PCDHA6: variants seen among roughly 807,000 people sequenced by gnomAD.
The protein encoded by PCDHA6 is protocadherin alpha-6.
A neutral mutation model predicts 60.3 loss-of-function variants in PCDHA6; 55 were observed. The observed-to-expected ratio is 0.91, with a 90% CI of 0.73 to 1.14. The LOEUF is 1.14. Ranked by LOEUF, PCDHA6 falls within the 50% of genes most tolerant of loss-of-function variation. The pLI is 0.00. For synonymous variants in PCDHA6, 652 were observed against 557.9 expected (o/e 1.17, Z -2.38); for missense variants, 1,327 against 1,256.5 (o/e 1.06, Z -0.85).
intron 1 of PCDHA6, chr5:140,856,749 C>A (rs146132566): frequency 1.3e-6 from 2 of 1,595,860 alleles, no homozygotes; most frequent in East Asian, 2.2e-5. Context: ...GTGTTAGATG[C>A]CAATGATAAC....
chr5:140,903,587 G>A (rs62384486), intron 1 of PCDHA6, among the ~76,000 whole-genome samples: 1 of 152,156 alleles, frequency 6.6e-6, no homozygotes, highest in African/African-American at 2.4e-5. Context: ...GCTGGTGTTG[G>A]CCTGATAAAT....
At chr5:140,834,566 G>A (rs2150221246) in intron 1 of PCDHA6, 1 of 1,614,096 alleles carries the variant, frequency 6.2e-7, no homozygotes, top group South Asian at 1.1e-5. Context: ...AGCTGGTGCC[G>A]CGCCTGTTCC....
At chr5:140,899,974 C>A (rs2067653485) in intron 1 of PCDHA6, among the ~76,000 whole-genome samples, 1 of 151,766 alleles carries the variant, frequency 6.6e-6, no homozygotes, top group Non-Finnish European at 1.5e-5. Context: ...TGCCCAGCTA[C>A]TTTTTTGATT....
At chr5:140,830,524 T>G in intron 1 of PCDHA6, 39 bp downstream of exon 1, 1 of 1,314,736 alleles carries the variant, frequency 7.6e-7, no homozygotes. Context: ...ATTTTTATTT[T>G]AAATTTATAA....
chr5:140,828,240 A>T lies in PCDHA6; in HGVS notation c.149A>T (p.Gln50Leu), dbSNP rs782505632. The T allele has an allele frequency of 1.9e-6, 3 of 1,613,830 alleles. No individual in the cohort carries two copies. The highest frequency in any genetic ancestry group is 1.1e-5 in the South Asian group (1 of 91,080). Residue 50 changes from glutamine to leucine, a missense_variant, in exon 1 of 4, where the codon CAG (glutamine) becomes CTG (leucine). Coordinates refer to ENST00000529310, the MANE Select transcript of PCDHA6 (RefSeq NM_018909.4). ...GGCACCTTCGTGGGCCGGATCGCGC[A>T]GGACCTGGGGCTGGAGCTGGCGGAG... ...KHGTFVGRIA[Q>L]DLGLELAELV... is the part of the protein sequence containing the mutation.
At chr5:140,851,029 C>G (rs1554145203) in intron 1 of PCDHA6, 3 of 1,410,832 alleles carry the variant, frequency 2.1e-6, no homozygotes, top group African/African-American at 2.9e-5. Context: ...AAGTAAACCC[C>G]TTAACATTGG....
rs1580998752 is a variant in PCDHA6 at position 140,842,398 on chromosome 5, A to G, written c.2394+11913A>G. 3.1e-6 allele frequency: 5 copies of G among 1,611,514 alleles called. No individual in the cohort carries two copies. The African/African-American group carries it at 6.7e-5, about 22-fold the overall frequency. On this transcript the variant is annotated intron_variant, in intron 1 of 3. Coordinates refer to ENST00000529310, the MANE Select transcript of PCDHA6 (RefSeq NM_018909.4). ...CACTGACTTCCTTATCCTTGCCTGTACGTGAAGACGCTCAATTTGGTACTG... is the reference window on the plus strand; with the variant it reads ...CACTGACTTCCTTATCCTTGCCTGTGCGTGAAGACGCTCAATTTGGTACTG...
rs2150160526 is a variant in PCDHA6 at position 140,828,906 on chromosome 5, G to C, written c.815G>C (p.Gly272Ala). The C allele has an allele frequency of 2.8e-5, 45 of 1,614,124 alleles. No homozygotes were observed. The highest frequency in any genetic ancestry group is 3.6e-5 in the Non-Finnish European group (42 of 1,180,056). The stretch of plus-strand genomic sequence containing the variant: ...CTGAATGCTTCTGATCGGGATGAAG[G>C]AGCGAATGGGGCAATTTCATATTCT... ...IRLNASDRDE[G>A]ANGAISYSFN... is the part of the protein sequence containing the mutation. The change falls in exon 1 of 4, where the codon GGA (glycine) becomes GCA (alanine). Residue 272 changes from glycine to alanine, a missense_variant. Coordinates refer to ENST00000529310, the MANE Select transcript of PCDHA6 (RefSeq NM_018909.4).
chr5:140,861,632 A>G (rs1314096154), intron 1 of PCDHA6: 8 of 308,696 alleles, frequency 2.6e-5, no homozygotes, highest in Non-Finnish European at 3.9e-5. Context: ...TGTTCTCAGC[A>G]ACACAAAAGA....
intron 1 of PCDHA6, chr5:140,862,870 G>T: frequency 1.8e-6 from 1 of 569,162 alleles, no homozygotes; most frequent in Non-Finnish European, 3.4e-6. Flanking sequence ...GACGCTGCCA[G>T]GTATTAGTGC....
At chr5:140,980,397 C>T (rs888776890) in intron 2 of PCDHA6, among the ~76,000 whole-genome samples, 3 of 152,100 alleles carry the variant, frequency 2.0e-5, no homozygotes, top group South Asian at 2.1e-4. Context: ...TTTGGGAGGC[C>T]GAGGTGGGCA....
At chr5:140,858,769 A>T in intron 1 of PCDHA6, 1 of 441,686 alleles carries the variant, frequency 2.3e-6, no homozygotes, top group Non-Finnish European at 4.1e-6. Flanking sequence ...TATTTGTGAG[A>T]TTAGTACTTC....
chr5:140,857,750 C>T (rs781977975), intron 1 of PCDHA6: 1 of 1,597,430 alleles, frequency 6.3e-7, no homozygotes, highest in Non-Finnish European at 8.6e-7. Context: ...GCTGGCGTCT[C>T]CCGCTGGCAG....
In PCDHA6 at chr5:140,846,712, C is replaced by A. The variant is rs1014332332; in HGVS notation, c.2394+16227C>A. Among the ~76,000 whole-genome samples, 13 of 149,346 alleles carry A rather than the reference C, an allele frequency of 8.7e-5. 2 individuals are homozygous for A. Among genetic ancestry groups the A allele is most frequent in the South Asian group, 8.5e-4 (4 of 4,692 alleles). ...TAGCAAGTAGAGAAGATTGTAATAA[C>A]CAGTCTTCATTAAACATTAAATAGG... On this transcript the variant is annotated intron_variant, in intron 1 of 3. Transcript: ENST00000529310.
rs1255289031 is a variant in PCDHA6 at position 141,010,188 on chromosome 5, T to C, written c.*251T>C. On this transcript the variant is annotated 3_prime_UTR_variant, in exon 4 of 4. Transcript: ENST00000529310. Reference sequence around the variant, plus strand: ...CAGAACCTAAAAAGCAGACCCAAGTTTCCTTTCTCCTCCGCCGCAAAGGAG... The same window carrying C: ...CAGAACCTAAAAAGCAGACCCAAGTCTCCTTTCTCCTCCGCCGCAAAGGAG... 1.3e-6 allele frequency: 2 copies of C among 1,552,952 alleles called. No individual in the cohort carries two copies. Among genetic ancestry groups the C allele is most frequent in the Non-Finnish European group, 8.7e-7 (1 of 1,147,482 alleles).
At chr5:140,884,307 C>G (rs144612735) in intron 1 of PCDHA6, 1 of 1,613,724 alleles carries the variant, frequency 6.2e-7, no homozygotes. Context: ...CAGGCTTCGT[C>G]GAGGGCGTCG....
chr5:140,841,817 T>C, intron 1 of PCDHA6: 1 of 1,613,922 alleles, frequency 6.2e-7, no homozygotes. Flanking sequence ...TGGAGCTAAC[T>C]CCGTGTTAAC....
Position 140,886,556 on chromosome 5 carries a change from G to A in PCDHA6, c.2394+56071G>A, listed in dbSNP as rs368447778. On this transcript the variant is annotated intron_variant, in intron 1 of 3. Coordinates refer to ENST00000529310, the MANE Select transcript of PCDHA6 (RefSeq NM_018909.4). ...TAGAAAGGTCTTCCCAGCTGGGCACGGTGGCTCACGCCTGTAATCCCAGCA... is the reference window on the plus strand; with the variant it reads ...TAGAAAGGTCTTCCCAGCTGGGCACAGTGGCTCACGCCTGTAATCCCAGCA... Among the ~76,000 whole-genome samples, 30 of 151,832 alleles carry A rather than the reference G, an allele frequency of 2.0e-4. No individual in the cohort carries two copies. The East Asian group carries it at 5.5e-3, about 28-fold the overall frequency.
Position 140,829,541 on chromosome 5 carries a change from G to C in PCDHA6, c.1450G>C (p.Ala484Pro). ...IFTVSARDAD[A>P]QENALVSYSL... The stretch of plus-strand genomic sequence containing the variant: ...CACGGTGTCTGCGCGAGACGCGGAC[G>C]CGCAGGAGAACGCGCTGGTGTCCTA... Residue 484 changes from alanine to proline, a missense_variant, in exon 1 of 4, where the codon GCG (alanine) becomes CCG (proline). Physicochemically the swap from Ala to Pro is conservative, Grantham distance 27. Coordinates refer to ENST00000529310, the MANE Select transcript of PCDHA6 (RefSeq NM_018909.4). 1 of 1,613,068 alleles carries C rather than the reference G, an allele frequency of 6.2e-7. No individual in the cohort carries two copies.
Sources: gnomAD v4.1 joint callset for allele counts (sites outside exome capture counted in the v4.1 genomes callset) on GRCh38, gnomAD v4.1.1 for gene constraint, MANE v1.5 for transcripts, NCBI Gene and HGNC (gene_info 2026-07-23, HGNC 2026-07-21) for gene names.